The following FAM227B variants were observed in gnomAD, a reference collection of about 807,000 sequenced individuals.
The protein encoded by FAM227B is protein FAM227B.
In FAM227B, 88 loss-of-function variants were observed where a neutral mutation model predicts 73.8. The observed-to-expected ratio is 1.19, with a 90% CI of 1.00 to 1.42. The LOEUF is 1.42. Ranked by LOEUF, FAM227B falls within the 40% of genes most tolerant of loss-of-function variation. The pLI is 0.00. For missense variants in FAM227B, 632 were observed against 590.9 expected, an observed-to-expected ratio of 1.07 and a Z score of -0.72; for synonymous variants, 210 against 190.5, an observed-to-expected ratio of 1.10 and a Z score of -0.84.
chr15:49,605,759 G>A (rs190355483), intron 3 of FAM227B, among the ~76,000 whole-genome samples: 1 of 152,258 alleles, frequency 6.6e-6, no homozygotes, highest in East Asian at 1.9e-4. Context: ...GCCTGGTGCT[G>A]GAGTGGGCCT....
chr15:49,433,346 A>T lies in FAM227B; in HGVS notation c.1013-61947T>A, dbSNP rs558276539. ...CCATATCTTACTTTTTATTTTTTTT[A>T]ATCTTCCAGTGGTAGAAGCAGCAGC... is the stretch of plus-strand genomic sequence containing the variant. On this transcript the variant is annotated intron_variant, in intron 11 of 15. Coordinates refer to ENST00000299338, the MANE Select transcript of FAM227B (RefSeq NM_152647.3). Among the ~76,000 whole-genome samples, 13 of 151,474 alleles carry T rather than the reference A, an allele frequency of 8.6e-5. No homozygotes were observed. In the East Asian group the frequency reaches 2.5e-3, roughly 30 times the overall value.
At chr15:49,536,935 T>A (rs925334351) in intron 10 of FAM227B, among the ~76,000 whole-genome samples, 4 of 151,986 alleles carry the variant, frequency 2.6e-5, no homozygotes, top group African/African-American at 9.7e-5. Flanking sequence ...ATAGGCTACC[T>A]AAATGTAAGA....
At chr15:49,524,016 C>A (rs10162761) in intron 10 of FAM227B, among the ~76,000 whole-genome samples, 48,132 of 151,274 alleles carry the variant, frequency 0.32, 8,209 homozygotes, top group African/African-American at 0.42. Context: ...AAACAGAGCA[C>A]AAAAGATAAA....
intron 11 of FAM227B, among the ~76,000 whole-genome samples, chr15:49,476,151 C>A (rs1170367994): frequency 6.6e-6 from 1 of 151,268 alleles, no homozygotes; most frequent in Non-Finnish European, 1.5e-5. Flanking sequence ...TCTATCTATT[C>A]CTCAAATCCT....
chr15:49,551,905 TTTG>T (rs1352964668), intron 9 of FAM227B, among the ~76,000 whole-genome samples: 4 of 152,218 alleles, frequency 2.6e-5, no homozygotes, highest in Non-Finnish European at 4.4e-5. Context: ...TTTTTAACTC[TTTG>T]TTGTTTCTAT....
intron 11 of FAM227B, among the ~76,000 whole-genome samples, chr15:49,444,068 A>G (rs1486488473): frequency 6.6e-6 from 1 of 151,722 alleles, no homozygotes; most frequent in East Asian, 1.9e-4. Flanking sequence ...ACAAGGATGC[A>G]AGGTCACCTT....
At chr15:49,503,576 C>T (rs539421844) in intron 11 of FAM227B, among the ~76,000 whole-genome samples, 32 of 152,078 alleles carry the variant, frequency 2.1e-4, no homozygotes, top group African/African-American at 7.5e-4. Flanking sequence ...AACAAATTTA[C>T]AAGAAAAAAA....
At chr15:49,433,018 T>G (rs538689353) in intron 11 of FAM227B, among the ~76,000 whole-genome samples, 1 of 151,522 alleles carries the variant, frequency 6.6e-6, no homozygotes, top group Non-Finnish European at 1.5e-5. Context: ...GAAAAAGTAG[T>G]TGGAGCAAAA....
In FAM227B at chr15:49,613,207, TAAAAC is replaced by T. The variant is rs1206701144; in HGVS notation, c.51+1909_51+1913del. ...CTCCATAAAAAATTTTAAAAAAAGG[TAAAAC>T]AAAACAAAACAAAACAGAGTGGCCA... On this transcript the variant is annotated intron_variant, in intron 2 of 15. Transcript: ENST00000299338. 5.3e-5 allele frequency among the ~76,000 whole-genome samples: 8 copies of T among 151,354 alleles called. No homozygotes were observed. In the East Asian group the frequency reaches 1.6e-3, roughly 29 times the overall value.
chr15:49,601,242 T>A (rs916406119), intron 3 of FAM227B, among the ~76,000 whole-genome samples: 5 of 151,450 alleles, frequency 3.3e-5, no homozygotes, highest in African/African-American at 1.2e-4. Flanking sequence ...GATGATTTTT[T>A]AAATAATGGT....
rs149465916 is a variant in FAM227B, at chr15:49,545,944, A to AT, written c.748-4139dup. Among the ~76,000 whole-genome samples, 654 of 125,128 alleles carry AT rather than the reference A, an allele frequency of 5.2e-3. 8 individuals carry two copies. Among genetic ancestry groups the AT allele is most frequent in the African/African-American group, 0.022 (608 of 27,666 alleles). The allele number at this position is 125,128 out of a possible 152,430, so 82.1% of individuals were successfully genotyped here. ...TCACCAGAAGGGAGCAGGAGTAGCTATTTTTTTTTTTTTTAATTTTATTAT... is the reference window on the plus strand; with the variant it reads ...TCACCAGAAGGGAGCAGGAGTAGCTATTTTTTTTTTTTTTTAATTTTATTAT... On this transcript the variant is annotated intron_variant, in intron 9 of 15. Coordinates refer to ENST00000299338, the MANE Select transcript of FAM227B (RefSeq NM_152647.3).
At chr15:49,588,161 T>TA in intron 4 of FAM227B, 78 bp from the exon 5 acceptor site, 1 of 827,122 alleles carries the variant, frequency 1.2e-6, no homozygotes, top group Non-Finnish European at 1.7e-6. Context: ...TTTTAAATAC[T>TA]TTAAACAAAT....
chr15:49,439,663 C>T (rs1214065980), intron 11 of FAM227B, among the ~76,000 whole-genome samples: 1 of 151,704 alleles, frequency 6.6e-6, no homozygotes, highest in African/African-American at 2.4e-5. Flanking sequence ...GATAGCTTTC[C>T]TTATTGGAAC....
At chr15:49,587,980 C>A in intron 5 of FAM227B, 36 bp downstream of exon 5, 1 of 1,386,818 alleles carries the variant, frequency 7.2e-7, no homozygotes, top group Non-Finnish European at 9.5e-7. Flanking sequence ...TGTGAAAATC[C>A]AACTTTCAAG....
chr15:49,431,790 A>C (rs2050646292), intron 11 of FAM227B, among the ~76,000 whole-genome samples: 1 of 151,772 alleles, frequency 6.6e-6, no homozygotes, highest in Non-Finnish European at 1.5e-5. Context: ...AAATGAAGCA[A>C]AGTTTCTCAT....
chr15:49,492,480 GTTAA>G lies in FAM227B; in HGVS notation c.1012+15727_1012+15730del, dbSNP rs1015980801. Among the ~76,000 whole-genome samples, 11 of 151,820 alleles carry G rather than the reference GTTAA, an allele frequency of 7.2e-5. No individual in the cohort carries two copies. In the East Asian group the frequency reaches 9.6e-4, roughly 13 times the overall value. ...ATTTTAAGTTTCTATAGTTTACAGCGTTAATTATTAATTTTTCATATTTCTCATT... is the reference window on the plus strand; with the variant it reads ...ATTTTAAGTTTCTATAGTTTACAGCGTTATTAATTTTTCATATTTCTCATT... On this transcript the variant is annotated intron_variant, in intron 11 of 15. Transcript: ENST00000299338.
At chr15:49,439,263 C>A (rs530981095) in intron 11 of FAM227B, among the ~76,000 whole-genome samples, 90 of 147,204 alleles carry the variant, frequency 6.1e-4, no homozygotes, top group Admixed American at 3.3e-3. Context: ...TCAGACTGAG[C>A]AATGAGAGGG....
intron 11 of FAM227B, among the ~76,000 whole-genome samples, chr15:49,445,285 T>C (rs1461905407): frequency 6.6e-6 from 1 of 151,628 alleles, no homozygotes; most frequent in African/African-American, 2.4e-5. Context: ...TACCTCCTGC[T>C]AGTAGTTCCC....
intron 13 of FAM227B, among the ~76,000 whole-genome samples, chr15:49,361,081 T>C (rs564247022): frequency 2.6e-5 from 4 of 152,288 alleles, no homozygotes; most frequent in South Asian, 2.1e-4. Flanking sequence ...GAGGGATAAA[T>C]GATAAGTATT....
Sources: allele counts gnomAD v4.1 joint callset (sites outside exome capture counted in the v4.1 genomes callset), GRCh38; gene constraint gnomAD v4.1.1; transcripts MANE v1.5; gene names NCBI Gene and HGNC (gene_info 2026-07-23, HGNC 2026-07-21).